EPC2: variants seen among roughly 807,000 people sequenced by gnomAD.
The protein encoded by EPC2 is enhancer of polycomb homolog 2.
EPC2 carries 14 observed loss-of-function variants against 92.1 expected under a neutral mutation model. That is an observed-to-expected ratio of 0.15 (90% confidence interval 0.10 to 0.24). The LOEUF (loss-of-function observed/expected upper bound fraction) is 0.24, where lower values mean the gene tolerates loss of function less well. EPC2 is among the 10% of genes least tolerant of loss of function. EPC2 has a pLI of 1.00. For missense variants in EPC2, 755 were observed against 971.5 expected, an observed-to-expected ratio of 0.78 and a Z score of 2.96; for synonymous variants, 340 against 334.7, an observed-to-expected ratio of 1.02 and a Z score of -0.17.
intron 3 of EPC2, among the ~76,000 whole-genome samples, chr2:148,749,939 AT>A (rs1683056382): frequency 1.3e-5 from 2 of 152,132 alleles, no homozygotes; most frequent in African/African-American, 4.8e-5. Context: ...TTAACTTTAT[AT>A]TATTAAAAGA....
intron 3 of EPC2, among the ~76,000 whole-genome samples, chr2:148,746,838 A>G (rs1010252756): frequency 1.3e-5 from 2 of 149,560 alleles, no homozygotes; most frequent in Non-Finnish European, 3.0e-5. Context: ...CACACACACA[A>G]TTAGAGCTTA....
rs968853510 is a variant in EPC2 at position 148,754,139 on chromosome 2, G to A, written c.666+6G>A. The A allele has an allele frequency of 3.8e-6, 6 of 1,579,824 alleles. No individual in the cohort carries two copies. In the African/African-American group the frequency reaches 4.1e-5, roughly 11 times the overall value. The stretch of plus-strand genomic sequence containing the variant: ...AGAAAATGCAAACTCGAAAGGTAAT[G>A]TGCAAATTAGGTTTCATTGAAGGTA... On this transcript the variant is annotated splice_donor_region_variant and intron_variant, in intron 4 of 13. Coordinates refer to ENST00000258484, the MANE Select transcript of EPC2 (RefSeq NM_015630.4).
Position 148,752,061 on chromosome 2 carries a change from T to G in EPC2, c.460-1866T>G, listed in dbSNP as rs565907709. 2.6e-5 allele frequency among the ~76,000 whole-genome samples: 4 copies of G among 152,286 alleles called. No homozygotes were observed. The South Asian group carries it at 6.2e-4, about 24-fold the overall frequency. ...CCAGAGAAAGAAATCTGAGCAGGTA[T>G]TTTAATCTCAACATACCATGCAGGA... On this transcript the variant is annotated intron_variant, in intron 3 of 13. Coordinates refer to ENST00000258484, the MANE Select transcript of EPC2 (RefSeq NM_015630.4).
chr2:148,655,129 T>A (rs1458982712), intron 1 of EPC2, among the ~76,000 whole-genome samples: 3 of 152,242 alleles, frequency 2.0e-5, no homozygotes, highest in Non-Finnish European at 4.4e-5. Context: ...GCATTCAATT[T>A]GTAGTTGGTT....
intron 1 of EPC2, among the ~76,000 whole-genome samples, chr2:148,659,086 T>C (rs1309928911): frequency 6.6e-6 from 1 of 152,108 alleles, no homozygotes; most frequent in Non-Finnish European, 1.5e-5. Flanking sequence ...CTGACTGCAT[T>C]TTCAGCAAAT....
At chr2:148,752,466 T>G (rs950070587) in intron 3 of EPC2, among the ~76,000 whole-genome samples, 33 of 152,278 alleles carry the variant, frequency 2.2e-4, no homozygotes, top group Admixed American at 2.1e-3. Flanking sequence ...GGTGGATGTT[T>G]GGAAATACTG....
In EPC2 at chr2:148,644,955, CT is replaced by C; in HGVS notation, c.-62del. The stretch of plus-strand genomic sequence containing the variant: ...GGAGGTGGAGGAGGCGGCGGGAGTC[CT>C]CCCCCCCTCCCCGCCCGCCCCGCCG... On this transcript the variant is annotated 5_prime_UTR_variant, in exon 1 of 14. Transcript: ENST00000258484. The C allele has an allele frequency of 2.1e-6, 3 of 1,399,764 alleles. No individual in the cohort carries two copies. In the South Asian group the frequency reaches 3.7e-5, roughly 17 times the overall value. 86.7% of individuals were successfully genotyped at this position (1,399,764 alleles called of 1,614,324 possible).
chr2:148,703,164 A>G (rs1369018022), intron 2 of EPC2, among the ~76,000 whole-genome samples: 1 of 152,038 alleles, frequency 6.6e-6, no homozygotes, highest in East Asian at 1.9e-4. Flanking sequence ...CTTGTTGTCC[A>G]TTTTAGAGTA....
intron 1 of EPC2, among the ~76,000 whole-genome samples, chr2:148,675,516 A>G (rs7558502): frequency 0.2 from 30,157 of 152,102 alleles, 3,800 homozygotes; most frequent in East Asian, 0.48. Context: ...GGTATTCACA[A>G]CATTCTTAGT....
At chr2:148,671,642 A>G (rs753336132) in intron 1 of EPC2, among the ~76,000 whole-genome samples, 1 of 152,098 alleles carries the variant, frequency 6.6e-6, no homozygotes, top group South Asian at 2.1e-4. Flanking sequence ...TTCTATGGTC[A>G]TATTTAATTT....
Position 148,771,113 on chromosome 2 carries a change from T to C in EPC2, c.1446T>C (p.Asn482=). The C allele has an allele frequency of 5.0e-6, 8 of 1,613,754 alleles. No homozygotes were observed. Among genetic ancestry groups the C allele is most frequent in the South Asian group, 1.1e-5 (1 of 91,052 alleles). Residue 482 remains asparagine (N), a synonymous_variant, in exon 10 of 14, where the codon AAT becomes AAC. Transcript: ENST00000258484. The part of the protein sequence containing the change: ...VLKQIDPEML[N]SFSSSSQTID... ...AACAGATAGACCCTGAAATGCTGAA[T>C]AGTTTTTCAAGCTCTTCCCAAACTA...
chr2:148,783,734 A>G lies in EPC2; in HGVS notation c.1995A>G (p.Ile665Met). ...AKEQNTGHNN[I>M]NGVVQPSGTS... ...AACAGAACACTGGCCACAACAACAT[A>G]AACGGTGTTGTCCAGCCTTCAGGTA... is the stretch of plus-strand genomic sequence containing the variant. Residue 665 changes from isoleucine to methionine, a missense_variant, in exon 12 of 14, where the codon ATA becomes ATG. This residue lies in a region of EPC2 where 207 missense variants were observed against 260.5 expected (regional missense o/e 0.79). Coordinates refer to ENST00000258484, the MANE Select transcript of EPC2 (RefSeq NM_015630.4). The G allele has an allele frequency of 6.3e-7, 1 of 1,592,182 alleles. No homozygotes were observed. Among genetic ancestry groups the G allele is most frequent in the Non-Finnish European group, 8.6e-7 (1 of 1,168,412 alleles).
At chr2:148,691,695 C>A (rs1320137812) in intron 2 of EPC2, 1 of 1,341,938 alleles carries the variant, frequency 7.5e-7, no homozygotes, top group Non-Finnish European at 1.0e-6. Context: ...GTTTTTGGAC[C>A]ACAGTATTAG....
chr2:148,706,782 T>C lies in EPC2; in HGVS notation c.313+16409T>C, dbSNP rs1190119897. Among the ~76,000 whole-genome samples, 5 of 152,252 alleles carry C rather than the reference T, an allele frequency of 3.3e-5. 1 individual carries two copies. The South Asian group carries it at 8.3e-4, about 25-fold the overall frequency. ...AGTGAAGGAGAAATAAAATCATTTA[T>C]AGACAAACAAATGCTGAGAGATTTT... is the stretch of plus-strand genomic sequence containing the variant. On this transcript the variant is annotated intron_variant, in intron 2 of 13. Coordinates refer to ENST00000258484, the MANE Select transcript of EPC2 (RefSeq NM_015630.4).
chr2:148,776,581 G>A (rs1683649048), intron 10 of EPC2, among the ~76,000 whole-genome samples: 1 of 152,174 alleles, frequency 6.6e-6, no homozygotes, highest in South Asian at 2.1e-4. Flanking sequence ...TGGTTTATAT[G>A]AACTTTCATC....
intron 2 of EPC2, among the ~76,000 whole-genome samples, chr2:148,704,827 TC>T (rs1681960416): frequency 6.6e-6 from 1 of 152,198 alleles, no homozygotes; most frequent in Non-Finnish European, 1.5e-5. Context: ...GCCTTACACT[TC>T]TAACCTGGGC....
chr2:148,653,301 T>TA (rs2105350525), intron 1 of EPC2, among the ~76,000 whole-genome samples: 1 of 152,270 alleles, frequency 6.6e-6, no homozygotes, highest in East Asian at 1.9e-4. Flanking sequence ...AGAGTTGAAG[T>TA]AGAAAAACAG....
intron 2 of EPC2, among the ~76,000 whole-genome samples, chr2:148,709,349 A>G (rs1682080733): frequency 2.6e-5 from 4 of 152,232 alleles, no homozygotes; most frequent in African/African-American, 7.2e-5. Flanking sequence ...AAAAGAGGAC[A>G]CAAACAAATG....
intron 3 of EPC2, among the ~76,000 whole-genome samples, chr2:148,752,760 A>T (rs1166036953): frequency 2.0e-5 from 3 of 152,216 alleles, no homozygotes; most frequent in Non-Finnish European, 4.4e-5. Context: ...AAGTCCAGTG[A>T]TCAGTGCATT....
Sources: gnomAD v4.1 joint callset for allele counts (sites outside exome capture counted in the v4.1 genomes callset) on GRCh38, gnomAD v4.1.1 for gene constraint, gnomAD v4.1.1 regional missense constraint, MANE v1.5 for transcripts, NCBI Gene and HGNC (gene_info 2026-07-23, HGNC 2026-07-21) for gene names.